Variants in RNF213 observed in about 807,000 individuals in gnomAD.
The protein encoded by RNF213 is E3 ubiquitin-protein ligase RNF213.
Under a neutral mutation model 514.4 loss-of-function variants are expected in RNF213, and 341 were observed. The observed-to-expected ratio is 0.66, with a 90% CI of 0.61 to 0.73. RNF213 has a LOEUF of 0.73. RNF213 is among the 30% of genes least tolerant of loss of function. The pLI, the probability that RNF213 is intolerant of heterozygous loss-of-function variation, is 0.00. For missense variants in RNF213, 5,767 were observed against 6,615.6 expected (o/e 0.87, Z 4.45); for synonymous variants, 2,655 against 2,658.2 (o/e 1.00, Z 0.04).
Position 80,383,078 on chromosome 17 carries a change from G to T in RNF213, c.14070+8G>T. The T allele has an allele frequency of 1.9e-6, 3 of 1,602,188 alleles. No individual in the cohort carries two copies. Among genetic ancestry groups the T allele is most frequent in the Non-Finnish European group, 2.6e-6 (3 of 1,169,226 alleles). The stretch of plus-strand genomic sequence containing the variant: ...ATTTCTCCTGAACTGGAGGTAAGCA[G>T]TAAGTGCTGACAGCTGGGTTGCTCC... On this transcript the variant is annotated splice_region_variant and intron_variant, in intron 58 of 67. Transcript: ENST00000582970.
chr17:80,380,853 A>ACCGG lies in RNF213; in HGVS notation c.13666_13669dup (p.His4557ArgfsTer16), dbSNP rs1464504190. The ACCGG allele has an allele frequency of 6.2e-7, 1 of 1,614,204 alleles. No individual in the cohort carries two copies. The highest frequency in any genetic ancestry group is 1.7e-5 in the Admixed American group (1 of 60,028). Reference sequence around the variant, plus strand: ...CAGAGACAAGGCAGACAGAACGCAGACCGGCCACGTGCTGGGCAACCCGCA... The same window carrying ACCGG: ...CAGAGACAAGGCAGACAGAACGCAGACCGGCCGGCCACGTGCTGGGCAACCCGCA... On this transcript the variant is annotated frameshift_variant, in exon 56 of 68. Coordinates refer to ENST00000582970, the MANE Select transcript of RNF213 (RefSeq NM_001256071.3). LOFTEE classifies it high-confidence loss of function.
intron 8 of RNF213, among the ~76,000 whole-genome samples, chr17:80,293,523 G>A (rs940875321): frequency 6.6e-5 from 10 of 151,914 alleles, no homozygotes; most frequent in African/African-American, 1.9e-4. Flanking sequence ...TTGATGGCTC[G>A]GTTAAAAGGG....
rs760114367 is a variant in RNF213 at position 80,263,889 on chromosome 17, G to C, written c.97+111G>C. ...GGCAGCAGGCAGCTCAGGTGGGGCC[G>C]AGGTCCTCTGTGGCTACTGAGGCTC... On this transcript the variant is annotated intron_variant, in intron 2 of 67. Coordinates refer to ENST00000582970, the MANE Select transcript of RNF213 (RefSeq NM_001256071.3). This position sits in a 1 kb window ranked among gnomAD's most constrained non-coding sequence, Gnocchi z 4.9. 1.2e-6 allele frequency: 1 copy of C among 831,652 alleles called. No individual in the cohort carries two copies. Among genetic ancestry groups the C allele is most frequent in the Non-Finnish European group, 2.0e-6 (1 of 495,944 alleles). The allele number at this position is 831,652 out of a possible 1,614,324, so 51.5% of individuals were successfully genotyped here.
At position 80,353,952 on chromosome 17, in the gene RNF213, G is replaced by T; in HGVS notation, c.10579-67G>T. On this transcript the variant is annotated intron_variant, in intron 34 of 67. Coordinates refer to ENST00000582970, the MANE Select transcript of RNF213 (RefSeq NM_001256071.3). This position sits in a 1 kb window ranked among gnomAD's most constrained non-coding sequence, Gnocchi z 5.0. ...CTGCATTGAGACCCTCATCGCATAC[G>T]GGCGGTTTGGCTTTTGCCCACTGTG... The T allele has an allele frequency of 3.8e-6, 6 of 1,599,258 alleles. No homozygotes were observed. Among genetic ancestry groups the T allele is most frequent in the Non-Finnish European group, 5.1e-6 (6 of 1,169,014 alleles).
At chr17:80,309,346 G>C (rs955416539) in intron 14 of RNF213, among the ~76,000 whole-genome samples, 175 bp downstream of exon 14, 1 of 152,124 alleles carries the variant, frequency 6.6e-6, no homozygotes, top group Non-Finnish European at 1.5e-5. Context: ...TTCTGGGTGT[G>C]GGGGGTGTCA....
chr17:80,285,667 G>T (rs1253882371), intron 3 of RNF213, among the ~76,000 whole-genome samples: 4 of 150,500 alleles, frequency 2.7e-5, no homozygotes, highest in African/African-American at 9.7e-5. Flanking sequence ...AGCTGCTTCT[G>T]CAGTTGCTTT....
chr17:80,349,103 TG>T lies in RNF213; in HGVS notation c.9952-661del, dbSNP rs1248965407. On this transcript the variant is annotated intron_variant, in intron 29 of 67. Transcript: ENST00000582970. ...CCAATACCACCACCCAGTGGGGGGA[TG>T]GGGGGTGGAGGGGTCCGGGGCGACC... Among the ~76,000 whole-genome samples, 109 of 151,006 alleles carry T rather than the reference TG, an allele frequency of 7.2e-4. 1 individual carries two copies. Among genetic ancestry groups the T allele is most frequent in the African/African-American group, 2.3e-3 (95 of 41,140 alleles).
chr17:80,281,360 C>T (rs2044266959), intron 3 of RNF213, among the ~76,000 whole-genome samples: 2 of 134,712 alleles, frequency 1.5e-5, no homozygotes, highest in Non-Finnish European at 3.2e-5. Flanking sequence ...CCCACTCACA[C>T]ACACCTCAAC....
At chr17:80,348,337 AAATCCCTC>A (rs1455950264) in intron 29 of RNF213, 51 bp downstream of exon 29, 2 of 1,600,248 alleles carry the variant, frequency 1.2e-6, no homozygotes, top group Admixed American at 3.3e-5. Context: ...CAAGAGTCCT[AAATCCCTC>A]GTGTCAGGAT....
intron 17 of RNF213, chr17:80,321,217 A>G (rs2046127236): frequency 6.6e-6 from 1 of 152,238 alleles, no homozygotes. Context: ...AGGTAATTTT[A>G]TACAATATTT....
At chr17:80,310,678 G>A (rs542377924) in intron 14 of RNF213, among the ~76,000 whole-genome samples, 4 of 151,734 alleles carry the variant, frequency 2.6e-5, no homozygotes, top group Non-Finnish European at 4.4e-5. Flanking sequence ...TCAGCCTCCC[G>A]AGTAGCTGGG....
At chr17:80,265,549 C>T (rs1226018114) in intron 2 of RNF213, among the ~76,000 whole-genome samples, 1 of 152,146 alleles carries the variant, frequency 6.6e-6, no homozygotes, top group Non-Finnish European at 1.5e-5. Context: ...CTGGTTGCCC[C>T]CAGCGTCACT....
At chr17:80,359,130 C>A (rs1039935441) in intron 37 of RNF213, among the ~76,000 whole-genome samples, 12 of 152,264 alleles carry the variant, frequency 7.9e-5, no homozygotes, top group Middle Eastern at 3.4e-3. Flanking sequence ...GCCCCCACCC[C>A]CTTCCGCAGG....
rs760420078 is a variant in RNF213 at position 80,389,233 on chromosome 17, G to A, written c.15061G>A (p.Ala5021Thr). ...TGGACAGCTGCAGTCCTACAGCGAT[G>A]CCTGTGAAGTGCTGTCTGTCGTAGA... ...ISGQLQSYSD[A>T]CEVLSVVEVT... Residue 5021 changes from alanine to threonine, a missense_variant, in exon 65 of 68, where the codon GCC (alanine) becomes ACC (threonine). Around this residue, in one of 13 missense-constraint regions of RNF213, gnomAD observed 1,245 missense variants for 1,339.0 expected, o/e 0.93. Coordinates refer to ENST00000582970, the MANE Select transcript of RNF213 (RefSeq NM_001256071.3). 63 of 1,614,098 alleles carry A rather than the reference G, an allele frequency of 3.9e-5. No individual in the cohort carries two copies. Among genetic ancestry groups the A allele is most frequent in the Non-Finnish European group, 4.9e-5 (58 of 1,180,024 alleles).
At chr17:80,274,158 G>T (rs1284412874) in intron 3 of RNF213, among the ~76,000 whole-genome samples, 2 of 152,118 alleles carry the variant, frequency 1.3e-5, no homozygotes. Context: ...GCCCAGAGGG[G>T]CTTTGAAGCT....
At chr17:80,342,996 C>G in intron 26 of RNF213, 136 bp from the exon 27 acceptor site, 1 of 701,944 alleles carries the variant, frequency 1.4e-6, no homozygotes, top group Non-Finnish European at 2.5e-6. Context: ...TTAGTAGGGA[C>G]GGGATTTCAC....
intron 63 of RNF213, 83 bp from the exon 64 acceptor site, chr17:80,388,529 C>A: frequency 1.0e-6 from 1 of 960,236 alleles, no homozygotes; most frequent in Non-Finnish European, 1.7e-6. Flanking sequence ...CTGCAGTTTT[C>A]CGGCTGCAGA....
intron 44 of RNF213, among the ~76,000 whole-genome samples, chr17:80,368,910 G>A (rs2079392808): frequency 1.3e-5 from 2 of 152,128 alleles, no homozygotes; most frequent in African/African-American, 2.4e-5. Context: ...CCCCTTCTCA[G>A]GCCTCCTAAA....
chr17:80,368,638 G>A (rs2079380112), intron 44 of RNF213, among the ~76,000 whole-genome samples: 1 of 152,022 alleles, frequency 6.6e-6, no homozygotes, highest in Non-Finnish European at 1.5e-5. Flanking sequence ...TCACCATGTT[G>A]GCCAGGCTGG....
Sources: allele counts gnomAD v4.1 joint callset (sites outside exome capture counted in the v4.1 genomes callset), GRCh38; gene constraint gnomAD v4.1.1; regional missense constraint gnomAD v4.1.1; non-coding constraint Gnocchi (gnomAD v3.1); transcripts MANE v1.5; gene names NCBI Gene and HGNC (gene_info 2026-07-23, HGNC 2026-07-21).